The following GAB2 variants were observed in gnomAD, a reference collection of about 807,000 sequenced individuals.
GAB2 encodes GRB2 associated binding protein 2, also known as GRB2-associated-binding protein 2.
A neutral mutation model predicts 65.5 loss-of-function variants in GAB2; 26 were observed. The observed-to-expected ratio is 0.40, with a 90% CI of 0.29 to 0.55. GAB2 has a LOEUF of 0.55. Ranked by LOEUF, GAB2 falls within the 20% of genes least tolerant of loss-of-function variation. The pLI is 0.53. For missense variants in GAB2, 884 were observed against 875.8 expected, an observed-to-expected ratio of 1.01 and a Z score of -0.12; for synonymous variants, 321 against 329.6, an observed-to-expected ratio of 0.97 and a Z score of 0.28.
At chr11:78,228,446 T>C (rs985443587) in intron 3 of GAB2, among the ~76,000 whole-genome samples, 36 of 152,318 alleles carry the variant, frequency 2.4e-4, no homozygotes, top group Non-Finnish European at 4.4e-4. Flanking sequence ...GCAAATCTCG[T>C]ATACATATAA....
intron 1 of GAB2, among the ~76,000 whole-genome samples, chr11:78,336,354 A>AC (rs1194813408): frequency 1.4e-5 from 2 of 147,860 alleles, no homozygotes; most frequent in African/African-American, 5.1e-5. Context: ...AAAAAAAAAA[A>AC]AAAAAAAACA....
At chr11:78,325,263 A>T (rs946504155) in intron 1 of GAB2, among the ~76,000 whole-genome samples, 1 of 152,182 alleles carries the variant, frequency 6.6e-6, no homozygotes, top group Non-Finnish European at 1.5e-5. Flanking sequence ...ACTAAGAAGT[A>T]ATGTCTATTA....
At chr11:78,371,750 C>G (rs1856573724) in intron 1 of GAB2, among the ~76,000 whole-genome samples, 2 of 152,074 alleles carry the variant, frequency 1.3e-5, no homozygotes, top group Admixed American at 6.6e-5. Context: ...TTCATAAGAC[C>G]ATTAGTAAAG....
intron 1 of GAB2, among the ~76,000 whole-genome samples, chr11:78,355,591 C>T (rs527601938): frequency 5.8e-4 from 85 of 147,314 alleles, no homozygotes; most frequent in Admixed American, 3.4e-3. Context: ...ACAGTAACAT[C>T]ACTTGAGCCC....
At chr11:78,278,648 G>T (rs567597350) in intron 2 of GAB2, among the ~76,000 whole-genome samples, 6 of 152,122 alleles carry the variant, frequency 3.9e-5, no homozygotes, top group African/African-American at 1.4e-4. Context: ...CAAAGTGCTG[G>T]GATTACAGGC....
chr11:78,277,633 G>A (rs952294812), intron 2 of GAB2, among the ~76,000 whole-genome samples: 9 of 152,294 alleles, frequency 5.9e-5, no homozygotes, highest in African/African-American at 1.9e-4. Context: ...GCCTCAAGTG[G>A]GCATGTGTAC....
rs557417273 is a variant in GAB2, at chr11:78,380,248, G to C, written c.75+37398C>G. ...TTTTGAGACGAAGTCTCGCTCTGTCGCCAGGCTGAAATGCAGTGGTGTGAT... is the reference window on the plus strand; with the variant it reads ...TTTTGAGACGAAGTCTCGCTCTGTCCCCAGGCTGAAATGCAGTGGTGTGAT... On this transcript the variant is annotated intron_variant, in intron 1 of 9. Coordinates refer to ENST00000361507, the MANE Select transcript of GAB2 (RefSeq NM_080491.3). 4.7e-5 allele frequency among the ~76,000 whole-genome samples: 7 copies of C among 149,944 alleles called. No homozygotes were observed. In the South Asian group the frequency reaches 1.3e-3, roughly 27 times the overall value.
intron 1 of GAB2, among the ~76,000 whole-genome samples, chr11:78,291,550 T>C (rs1271059942): frequency 3.0e-5 from 3 of 98,754 alleles, no homozygotes; most frequent in African/African-American, 1.9e-4. Flanking sequence ...GAGACTTACT[T>C]TTTTCTTTTT....
At chr11:78,343,610 T>C (rs1856134970) in intron 1 of GAB2, among the ~76,000 whole-genome samples, 1 of 152,158 alleles carries the variant, frequency 6.6e-6, no homozygotes. Context: ...TTCAGGACCA[T>C]GGGGAAAGGC....
At chr11:78,318,394 A>T (rs1445225176) in intron 1 of GAB2, among the ~76,000 whole-genome samples, 2 of 150,546 alleles carry the variant, frequency 1.3e-5, no homozygotes, top group Non-Finnish European at 3.0e-5. Flanking sequence ...AAAGCTGTGA[A>T]AAGGAGCTTG....
chr11:78,392,377 C>T (rs903607532), intron 1 of GAB2: 3 of 152,258 alleles, frequency 2.0e-5, no homozygotes, highest in East Asian at 1.9e-4. Flanking sequence ...TCTACAGATG[C>T]TACAATAGAA....
rs150293865 is a variant in GAB2 at position 78,358,586 on chromosome 11, T to C, written c.75+59060A>G. On this transcript the variant is annotated intron_variant, in intron 1 of 9. Coordinates refer to ENST00000361507, the MANE Select transcript of GAB2 (RefSeq NM_080491.3). ...ATTCATGATACTTCAAGTGAAGATC[T>C]AAAAGTAGTCCAGGATTAATAATGT... is the stretch of plus-strand genomic sequence containing the variant. 6.7e-4 allele frequency among the ~76,000 whole-genome samples: 102 copies of C among 151,730 alleles called. 1 individual carries two copies. The East Asian group carries it at 0.017, about 26-fold the overall frequency.
chr11:78,253,273 C>T (rs767776717), intron 2 of GAB2, among the ~76,000 whole-genome samples: 3 of 152,160 alleles, frequency 2.0e-5, no homozygotes, highest in Non-Finnish European at 2.9e-5. Context: ...GGATTACAGG[C>T]GTGAGCCACC....
chr11:78,227,577 T>G (rs1217123371), intron 3 of GAB2, among the ~76,000 whole-genome samples: 2 of 149,202 alleles, frequency 1.3e-5, no homozygotes, highest in Non-Finnish European at 2.9e-5. Context: ...GGAGGTTCAC[T>G]TGAGGCCAGG....
At chr11:78,388,924 A>G (rs1421501446) in intron 1 of GAB2, among the ~76,000 whole-genome samples, 1 of 152,214 alleles carries the variant, frequency 6.6e-6, no homozygotes, top group Non-Finnish European at 1.5e-5. Flanking sequence ...ACTCCACCCA[A>G]CGGAGAAATG....
intron 1 of GAB2, among the ~76,000 whole-genome samples, chr11:78,378,578 G>A (rs1050326252): frequency 5.9e-5 from 9 of 152,176 alleles, no homozygotes; most frequent in African/African-American, 9.7e-5. Flanking sequence ...CCTTCACCCT[G>A]ACTGCATATC....
At chr11:78,329,679 A>G (rs1855882917) in intron 1 of GAB2, among the ~76,000 whole-genome samples, 1 of 152,188 alleles carries the variant, frequency 6.6e-6, no homozygotes, top group Non-Finnish European at 1.5e-5. Context: ...TCCCACAGAA[A>G]AGCATGATTT....
intron 2 of GAB2, among the ~76,000 whole-genome samples, chr11:78,275,812 A>T (rs769512465): frequency 2.6e-5 from 4 of 152,162 alleles, no homozygotes; most frequent in Non-Finnish European, 5.9e-5. Context: ...ATATCTATAT[A>T]TATGAATGAA....
At chr11:78,222,243 T>C (rs755830258) in intron 6 of GAB2, 48 bp from the exon 7 acceptor site, 1 of 1,130,714 alleles carries the variant, frequency 8.8e-7, no homozygotes, top group Non-Finnish European at 1.4e-6. Context: ...ATGATAATGC[T>C]ACACATACAC....
Sources: allele counts gnomAD v4.1 joint callset (sites outside exome capture counted in the v4.1 genomes callset), GRCh38; gene constraint gnomAD v4.1.1; transcripts MANE v1.5; gene names NCBI Gene and HGNC (gene_info 2026-07-23, HGNC 2026-07-21).